PIEZO2: variants seen among roughly 807,000 people sequenced by gnomAD.
PIEZO2 encodes the protein piezo type mechanosensitive ion channel component 2, also known as piezo-type mechanosensitive ion channel component 2.
A neutral mutation model predicts 337.3 loss-of-function variants in PIEZO2; 172 were observed. The observed-to-expected ratio is 0.51, with a 90% CI of 0.45 to 0.58. PIEZO2 has a LOEUF of 0.58. PIEZO2 is among the 20% of genes least tolerant of loss of function. The pLI, the probability that PIEZO2 is intolerant of heterozygous loss-of-function variation, is 0.00. For synonymous variants in PIEZO2, 1,251 were observed against 1,228.5 expected, an observed-to-expected ratio of 1.02 and a Z score of -0.38; for missense variants, 3,028 against 3,391.3, an observed-to-expected ratio of 0.89 and a Z score of 2.66.
rs1431460581 is a variant in PIEZO2, at chr18:10,821,557, C to T, written c.918-14283G>A. 3.3e-5 allele frequency among the ~76,000 whole-genome samples: 5 copies of T among 152,162 alleles called. No individual in the cohort carries two copies. The highest frequency in any genetic ancestry group is 1.2e-4 in the African/African-American group (5 of 41,436). On this transcript the variant is annotated intron_variant, in intron 7 of 55. Coordinates refer to ENST00000674853, the MANE Select transcript of PIEZO2 (RefSeq NM_001378183.1). This position sits in a 1 kb window ranked among gnomAD's most constrained non-coding sequence, Gnocchi z 4.2. ...ATATTTTATTTGTAACCAGCTTATA[C>T]ATTAAAATGAATAATTACATCTTGC...
rs1048395574 is a variant in PIEZO2, at chr18:11,035,096, CAG to C, written c.160+31029_160+31030del. ...ATTCACTTTCGAAATCAATTTATTA[CAG>C]AGTGTGTAGAAGGGGATGGAGCTGA... On this transcript the variant is annotated intron_variant, in intron 2 of 55. Coordinates refer to ENST00000674853, the MANE Select transcript of PIEZO2 (RefSeq NM_001378183.1). This position sits in a 1 kb window ranked among gnomAD's most constrained non-coding sequence, Gnocchi z 4.3. Among the ~76,000 whole-genome samples, 2 of 152,142 alleles carry C rather than the reference CAG, an allele frequency of 1.3e-5. No individual in the cohort carries two copies. Among genetic ancestry groups the C allele is most frequent in the Non-Finnish European group, 2.9e-5 (2 of 68,030 alleles).
intron 3 of PIEZO2, among the ~76,000 whole-genome samples, chr18:10,938,497 T>G (rs1420954257): frequency 2.6e-5 from 4 of 152,184 alleles, no homozygotes; most frequent in Non-Finnish European, 5.9e-5. Context: ...AGAGGCCTCC[T>G]TGGGAAGTCA....
At position 11,078,302 on chromosome 18, in the gene PIEZO2, T is replaced by G. The variant is rs2038622988; in HGVS notation, c.65-12080A>C. 2.6e-5 allele frequency among the ~76,000 whole-genome samples: 4 copies of G among 152,216 alleles called. No homozygotes were observed. The highest frequency in any genetic ancestry group is 2.6e-4 in the Admixed American group (4 of 15,280). On this transcript the variant is annotated intron_variant, in intron 1 of 55. Transcript: ENST00000674853. The surrounding 1 kb of genome is among the most constrained non-coding windows in gnomAD (Gnocchi z 5.3). ...AGTAAAAATAGAATTTTTTGTAGACTTTTACTGTAGACTTTAGAATATTCT... is the reference window on the plus strand; with the variant it reads ...AGTAAAAATAGAATTTTTTGTAGACGTTTACTGTAGACTTTAGAATATTCT...
In PIEZO2 at chr18:10,670,774, T is replaced by C. The variant is rs1295111032; in HGVS notation, c.*753A>G. 1.3e-5 allele frequency: 2 copies of C among 152,482 alleles called. No homozygotes were observed. The highest frequency in any genetic ancestry group is 2.9e-5 in the Non-Finnish European group (2 of 68,034). 9.4% of individuals were successfully genotyped at this position (152,482 alleles called of 1,614,324 possible). A position where few individuals can be genotyped will look rare whatever the true frequency, so the allele number is the denominator to read the frequency against. Reference sequence around the variant, plus strand: ...CTGTTTGCACAGGAGACCGCAGCCCTCCAGAATGGTTCCCCTCATTGAAGC... The same window carrying C: ...CTGTTTGCACAGGAGACCGCAGCCCCCCAGAATGGTTCCCCTCATTGAAGC... On this transcript the variant is annotated 3_prime_UTR_variant, in exon 56 of 56. Coordinates refer to ENST00000674853, the MANE Select transcript of PIEZO2 (RefSeq NM_001378183.1).
intron 1 of PIEZO2, among the ~76,000 whole-genome samples, chr18:11,147,735 G>A (rs2040845350): frequency 6.6e-6 from 1 of 152,224 alleles, no homozygotes; most frequent in Non-Finnish European, 1.5e-5. Context: ...CTCCCAGAAC[G>A]CAGCACCCAG....
chr18:10,895,046 C>A lies in PIEZO2; in HGVS notation c.329+16140G>T, dbSNP rs1484103872. On this transcript the variant is annotated intron_variant, in intron 4 of 55. Transcript: ENST00000674853. The surrounding 1 kb of genome is among the most constrained non-coding windows in gnomAD (Gnocchi z 4.8). ...CCGTGCTCTTGCATGGTCATTCCTC[C>A]CCCTGAAGCCTCAGTGGGCTGTCAT... Among the ~76,000 whole-genome samples, 2 of 152,216 alleles carry A rather than the reference C, an allele frequency of 1.3e-5. No individual in the cohort carries two copies. The highest frequency in any genetic ancestry group is 2.9e-5 in the Non-Finnish European group (2 of 68,036).
At chr18:10,879,343 A>ACC (rs1169738827) in intron 4 of PIEZO2, among the ~76,000 whole-genome samples, 1 of 148,618 alleles carries the variant, frequency 6.7e-6, no homozygotes, top group Non-Finnish European at 1.5e-5. Flanking sequence ...ATACTAAACT[A>ACC]CCTCAAACTT....
chr18:11,084,569 G>A (rs559769206), intron 1 of PIEZO2, among the ~76,000 whole-genome samples: 9 of 152,126 alleles, frequency 5.9e-5, no homozygotes, highest in African/African-American at 1.7e-4. Flanking sequence ...CATCCCTCCC[G>A]CTTGAATCCA....
intron 1 of PIEZO2, among the ~76,000 whole-genome samples, chr18:11,117,112 A>G (rs1414080039): frequency 1.3e-5 from 2 of 152,124 alleles, no homozygotes; most frequent in Admixed American, 6.6e-5. Context: ...TCCCCCCCAC[A>G]AAAAAATTGT....
At chr18:10,840,319 A>G (rs2041152992) in intron 7 of PIEZO2, among the ~76,000 whole-genome samples, 1 of 152,196 alleles carries the variant, frequency 6.6e-6, no homozygotes, top group African/African-American at 2.4e-5. Context: ...ATCGAGATGC[A>G]TGCTTGTGCC....
rs1434164922 is a variant in PIEZO2, at chr18:10,750,876, G to A, written c.4168-689C>T. Among the ~76,000 whole-genome samples the A allele has an allele frequency of 6.6e-6, 1 of 152,190 alleles. No individual in the cohort carries two copies. Among genetic ancestry groups the A allele is most frequent in the Non-Finnish European group, 1.5e-5 (1 of 68,038 alleles). On this transcript the variant is annotated intron_variant, in intron 28 of 55. Coordinates refer to ENST00000674853, the MANE Select transcript of PIEZO2 (RefSeq NM_001378183.1). The surrounding 1 kb of genome is among the most constrained non-coding windows in gnomAD (Gnocchi z 4.1). Reference sequence around the variant, plus strand: ...ATCATCAGGATTTGCTCCAACAGCAGCAGTTACTCGTTATGGATTCCCCAG... The same window carrying A: ...ATCATCAGGATTTGCTCCAACAGCAACAGTTACTCGTTATGGATTCCCCAG...
At chr18:10,773,000 T>C (rs2038656340) in intron 20 of PIEZO2, among the ~76,000 whole-genome samples, 1 of 152,238 alleles carries the variant, frequency 6.6e-6, no homozygotes. Flanking sequence ...TCTTAATTAT[T>C]GGCTTCCTGG....
intron 39 of PIEZO2, among the ~76,000 whole-genome samples, chr18:10,709,019 C>T (rs2035707093): frequency 6.6e-6 from 1 of 152,150 alleles, no homozygotes; most frequent in African/African-American, 2.4e-5. Flanking sequence ...ATGAGATGCT[C>T]TGCATGTAGT....
chr18:10,982,157 ATGCAAAATTTTGC>A lies in PIEZO2; in HGVS notation c.161-2510_161-2498del, dbSNP rs1201893058. Among the ~76,000 whole-genome samples the A allele has an allele frequency of 1.3e-5, 2 of 152,226 alleles. No individual in the cohort carries two copies. The highest frequency in any genetic ancestry group is 3.8e-4 in the East Asian group (2 of 5,202). On this transcript the variant is annotated intron_variant, in intron 2 of 55. Transcript: ENST00000674853. The surrounding 1 kb of genome is among the most constrained non-coding windows in gnomAD (Gnocchi z 4.1). ...AGAGAAAGCTTTCAAGAGTTCTATT[ATGCAAAATTTTGC>A]AGCAGCTTTTTGCTTATTTGTTTGT...
intron 2 of PIEZO2, among the ~76,000 whole-genome samples, chr18:11,011,527 T>A (rs1264220574): frequency 6.6e-6 from 1 of 152,230 alleles, no homozygotes; most frequent in Non-Finnish European, 1.5e-5. Flanking sequence ...CCTCATGCAG[T>A]GTTCATATTT....
At chr18:10,706,752 A>T (rs555371076) in intron 40 of PIEZO2, among the ~76,000 whole-genome samples, 2 of 152,242 alleles carry the variant, frequency 1.3e-5, no homozygotes, top group East Asian at 3.9e-4. Flanking sequence ...TCTACCTCAG[A>T]CACATCCAGC....
chr18:10,807,448 T>C (rs953066580), intron 7 of PIEZO2, among the ~76,000 whole-genome samples, 174 bp from the exon 8 acceptor site: 2 of 152,254 alleles, frequency 1.3e-5, no homozygotes, highest in Non-Finnish European at 2.9e-5. Flanking sequence ...AAAGAATATA[T>C]GTGGACATGT....
At chr18:11,122,812 G>A (rs1036453690) in intron 1 of PIEZO2, among the ~76,000 whole-genome samples, 2 of 151,938 alleles carry the variant, frequency 1.3e-5, no homozygotes, top group African/African-American at 2.4e-5. Context: ...TATAAAATCC[G>A]CAGACATCAG....
At chr18:10,915,796 G>A (rs1286475870) in intron 3 of PIEZO2, among the ~76,000 whole-genome samples, 1 of 152,132 alleles carries the variant, frequency 6.6e-6, no homozygotes, top group Non-Finnish European at 1.5e-5. Context: ...GAATTGGTGG[G>A]TTCTTGGTCT....
Sources: gnomAD v4.1 joint callset for allele counts (sites outside exome capture counted in the v4.1 genomes callset) on GRCh38, gnomAD v4.1.1 for gene constraint, Gnocchi (gnomAD v3.1) non-coding constraint, MANE v1.5 for transcripts, NCBI Gene and HGNC (gene_info 2026-07-23, HGNC 2026-07-21) for gene names.